The following TLR6 variants were observed in gnomAD, a reference collection of about 807,000 sequenced individuals.
The protein encoded by TLR6 is toll-like receptor 6.
TLR6 carries 9 observed loss-of-function variants against 16.1 expected under a neutral mutation model. That is an observed-to-expected ratio of 0.56 (90% CI 0.34 to 0.98). The LOEUF is 0.98. TLR6 is among the 50% of genes least tolerant of loss of function. The pLI, the probability that TLR6 is intolerant of heterozygous loss-of-function variation, is 0.02. For missense variants in TLR6, 786 were observed against 921.0 expected, an observed-to-expected ratio of 0.85 and a Z score of 1.90; for synonymous variants, 340 against 338.6, an observed-to-expected ratio of 1.00 and a Z score of -0.04.
intron 1 of TLR6, among the ~76,000 whole-genome samples, chr4:38,832,778 C>A (rs1711677169): frequency 6.6e-6 from 1 of 152,128 alleles, no homozygotes; most frequent in Admixed American, 6.5e-5. Context: ...CTAGCCCATG[C>A]AATGCCCCGC....
intron 1 of TLR6, among the ~76,000 whole-genome samples, chr4:38,833,362 TC>T (rs1320709190): frequency 6.6e-6 from 1 of 152,118 alleles, no homozygotes; most frequent in Non-Finnish European, 1.5e-5. Flanking sequence ...GGTGTCCCCA[TC>T]CCCAGCAAAG....
rs148833427 is a variant in TLR6 at position 38,834,234 on chromosome 4, A to G, written c.-64-4697T>C. On this transcript the variant is annotated intron_variant, in intron 1 of 1. Coordinates refer to ENST00000436693, the Ensembl canonical transcript of TLR6. ...GCCTGGGTGACAAGAGCAAAACTCC[A>G]GCTCAAAAAAAAAATATATATATAA... Among the ~76,000 whole-genome samples, 953 of 149,984 alleles carry G rather than the reference A, an allele frequency of 6.4e-3. 13 individuals are homozygous for G. Among genetic ancestry groups the G allele is most frequent in the African/African-American group, 0.022 (901 of 41,172 alleles).
chr4:38,845,065 A>T (rs1373553299), intron 1 of TLR6, among the ~76,000 whole-genome samples: 4 of 152,206 alleles, frequency 2.6e-5, no homozygotes, highest in Non-Finnish European at 5.9e-5. Flanking sequence ...AAATACAAAC[A>T]TTACAAATTA....
At chr4:38,829,376 T>C (rs2109413607) in exon 2 of TLR6, 1 of 1,614,124 alleles carries the variant, frequency 6.2e-7, no homozygotes, top group South Asian at 1.1e-5. Context: ...TACTGCAAAT[T>C]CATTTCCGTC....
At chr4:38,862,036 CA>C in the TLR6 span, among the ~76,000 whole-genome samples, 1 of 152,180 alleles carries the variant, frequency 6.6e-6, no homozygotes, top group Non-Finnish European at 1.5e-5. Flanking sequence ...TTCATTTTCA[CA>C]ATGAAAATAG....
At chr4:38,843,638 C>T (rs544780031) in intron 1 of TLR6, 2 of 152,128 alleles carry the variant, frequency 1.3e-5, no homozygotes, top group East Asian at 1.9e-4. Context: ...TTTCAACCAA[C>T]CTTTCTTTGG....
At chr4:38,867,926 C>A in the TLR6 span, 767 of 240,898 alleles carry the variant, frequency 3.2e-3, 13 homozygotes, top group East Asian at 0.043. Context: ...AACACCATAC[C>A]TTGGCGCCTC....
At chr4:38,857,656 A>T (rs1316463582), upstream of TLR6, among the ~76,000 whole-genome samples, 1 of 107,944 alleles carries the variant, frequency 9.3e-6, no homozygotes, top group Non-Finnish European at 2.3e-5. Flanking sequence ...CATCTTTATT[A>T]AAAAAAAAAC....
rs569325915 is a variant in TLR6 at position 38,849,302 on chromosome 4, C to T, written c.-65+7459G>A. Among the ~76,000 whole-genome samples, 41 of 152,210 alleles carry T rather than the reference C, an allele frequency of 2.7e-4. No homozygotes were observed. In the South Asian group the frequency reaches 3.5e-3, roughly 13 times the overall value. ...AGCACTAAACATGGAAAGGAAGAAC[C>T]GGTACCAGCCACTGCAACAACATGC... On this transcript the variant is annotated intron_variant, in intron 1 of 1. Coordinates refer to ENST00000436693, the Ensembl canonical transcript of TLR6.
chr4:38,831,082 A>G (rs950623593), intron 1 of TLR6, among the ~76,000 whole-genome samples: 2 of 152,076 alleles, frequency 1.3e-5, no homozygotes, highest in African/African-American at 4.8e-5. Flanking sequence ...ACACCACCTA[A>G]CATTGAGACT....
At chr4:38,834,161 C>T (rs1711776185) in intron 1 of TLR6, among the ~76,000 whole-genome samples, 1 of 151,262 alleles carries the variant, frequency 6.6e-6, no homozygotes, top group South Asian at 2.1e-4. Flanking sequence ...TTGCTTGAAC[C>T]CAGGAGGCAG....
chr4:38,836,902 T>C (rs1352578835), intron 1 of TLR6, among the ~76,000 whole-genome samples: 1 of 147,932 alleles, frequency 6.8e-6, no homozygotes, highest in East Asian at 2.0e-4. Context: ...ATTGTGCCAC[T>C]GCACTCCAGA....
At chr4:38,848,007 A>G (rs1221645865) in intron 1 of TLR6, among the ~76,000 whole-genome samples, 2 of 152,090 alleles carry the variant, frequency 1.3e-5, no homozygotes, top group African/African-American at 4.8e-5. Context: ...CCTGACCCCC[A>G]TGTAGCCTAA....
chr4:38,848,948 C>G (rs6531676), intron 1 of TLR6, among the ~76,000 whole-genome samples: 94,218 of 151,958 alleles, frequency 0.62, 30,470 homozygotes, highest in African/African-American at 0.81. Flanking sequence ...GATACTCCTC[C>G]AGAAGAGCAA....
chr4:38,846,978 C>G lies in TLR6; in HGVS notation c.-65+9783G>C, dbSNP rs546670765. Among the ~76,000 whole-genome samples, 23 of 152,104 alleles carry G rather than the reference C, an allele frequency of 1.5e-4. No homozygotes were observed. The East Asian group carries it at 3.9e-3, about 26-fold the overall frequency. Reference sequence around the variant, plus strand: ...GATAGAGCTCAGAATAAAGAAACCCCAATCAATCTAGCTGTGTCCTGAAGA... The same window carrying G: ...GATAGAGCTCAGAATAAAGAAACCCGAATCAATCTAGCTGTGTCCTGAAGA... On this transcript the variant is annotated intron_variant, in intron 1 of 1. Transcript: ENST00000436693.
At chr4:38,862,682 G>A in the TLR6 span, among the ~76,000 whole-genome samples, 10 of 133,294 alleles carry the variant, frequency 7.5e-5, no homozygotes, top group Middle Eastern at 5.1e-3. Context: ...TGCAACCTCC[G>A]CCTCCCAGGT....
chr4:38,868,056 TGA>T, the TLR6 span: 1 of 421,802 alleles, frequency 2.4e-6, no homozygotes. Flanking sequence ...TGCGGGCGTG[TGA>T]GTGTGTGTGT....
intron 1 of TLR6, among the ~76,000 whole-genome samples, chr4:38,849,137 GA>G (rs1318846144): frequency 2.0e-5 from 3 of 152,180 alleles, no homozygotes; most frequent in South Asian, 4.1e-4. Context: ...CGTTCTTAAA[GA>G]AAAGAATTTT....
exon 2 of TLR6, chr4:38,825,281 G>A (rs989241348): frequency 2.0e-5 from 3 of 152,166 alleles, no homozygotes; most frequent in African/African-American, 7.2e-5. Flanking sequence ...GGATTAAAAT[G>A]TCCAGGCCAG....
Sources: allele counts gnomAD v4.1 joint callset (sites outside exome capture counted in the v4.1 genomes callset), GRCh38; gene constraint gnomAD v4.1.1; transcripts MANE v1.5; gene names NCBI Gene and HGNC (gene_info 2026-07-23, HGNC 2026-07-21).